The following ATP6V0A1 variants were observed in gnomAD, a reference collection of about 807,000 sequenced individuals.
ATP6V0A1 encodes V-type proton ATPase 116 kDa subunit a 1.
ATP6V0A1 carries 43 observed loss-of-function variants against 105.4 expected under a neutral mutation model. The ratio of observed to expected loss-of-function variants is 0.41; its 90% CI spans 0.32 to 0.53. The LOEUF (loss-of-function observed/expected upper bound fraction) is 0.53, where lower values mean the gene tolerates loss of function less well. Among genes scored for constraint, ATP6V0A1 ranks in the 20% least tolerant of loss-of-function variants. The probability of loss-of-function intolerance (pLI) is 0.30; values close to 1 mark genes in which losing one functional copy is unlikely to be tolerated. For synonymous variants in ATP6V0A1, 362 were observed against 372.8 expected (o/e 0.97, Z 0.33); for missense variants, 676 against 1,051.1 (o/e 0.64, Z 4.93).
chr17:42,490,612 TG>T lies in ATP6V0A1; in HGVS notation c.1151del (p.Gly384GlufsTer6). The stretch of plus-strand genomic sequence containing the variant: ...AGAACATAGTAGATGCTTATGGAAT[TG>T]GAACTTACCGAGAGATAAATCCAGG... ...FQNIVDAYGI[G>X]TYREINPAPY... On this transcript the variant is annotated frameshift_variant, in exon 11 of 22. Transcript: ENST00000343619. LOFTEE classifies it high-confidence loss of function. The T allele has an allele frequency of 6.2e-7, 1 of 1,603,612 alleles. No individual in the cohort carries two copies. Among genetic ancestry groups the T allele is most frequent in the Non-Finnish European group, 8.5e-7 (1 of 1,177,234 alleles).
intron 14 of ATP6V0A1, 65 bp downstream of exon 14, chr17:42,495,781 A>T: frequency 7.4e-7 from 1 of 1,353,580 alleles, no homozygotes; most frequent in Non-Finnish European, 1.1e-6. Flanking sequence ...AAGCAAGAGA[A>T]TTAAAATGAA....
chr17:42,495,941 G>T, intron 14 of ATP6V0A1: 1 of 408,484 alleles, frequency 2.4e-6, no homozygotes, highest in Non-Finnish European at 4.5e-6. Context: ...GCGTGGTGGC[G>T]CATGCCTGTA....
At chr17:42,498,566 G>A (rs1444834267) in intron 14 of ATP6V0A1, among the ~76,000 whole-genome samples, 3 of 152,102 alleles carry the variant, frequency 2.0e-5, no homozygotes, top group Non-Finnish European at 2.9e-5. Flanking sequence ...GGTGGCTCAC[G>A]CCTGTAATCC....
Position 42,521,210 on chromosome 17 carries a change from G to A in ATP6V0A1, c.*90G>A, listed in dbSNP as rs529402274. 1.2e-4 allele frequency: 142 copies of A among 1,179,548 alleles called. No homozygotes were observed. In the African/African-American group the frequency reaches 2.2e-3, roughly 18 times the overall value. The allele number at this position is 1,179,548 out of a possible 1,614,324, so 73.1% of individuals were successfully genotyped here. A position where few individuals can be genotyped will look rare whatever the true frequency, so the allele number is the denominator to read the frequency against. On this transcript the variant is annotated 3_prime_UTR_variant, in exon 22 of 22. Coordinates refer to ENST00000343619, the MANE Select transcript of ATP6V0A1 (RefSeq NM_001130021.3). This position sits in a 1 kb window ranked among gnomAD's most constrained non-coding sequence, Gnocchi z 4.8. ...CCTCTCTGCCTGTTGGTTGTGATCTGTGGGCACCAGCTCATTCGTGTCACC... is the reference window on the plus strand; with the variant it reads ...CCTCTCTGCCTGTTGGTTGTGATCTATGGGCACCAGCTCATTCGTGTCACC...
At chr17:42,493,939 A>G (rs1432421024) in intron 11 of ATP6V0A1, among the ~76,000 whole-genome samples, 2 of 152,114 alleles carry the variant, frequency 1.3e-5, no homozygotes, top group Admixed American at 1.3e-4. Flanking sequence ...AAGTCACCTT[A>G]TATTGATCTT....
At chr17:42,498,528 T>A (rs1404209604) in intron 14 of ATP6V0A1, among the ~76,000 whole-genome samples, 1 of 152,098 alleles carries the variant, frequency 6.6e-6, no homozygotes, top group Non-Finnish European at 1.5e-5. Context: ...TAATATTGAT[T>A]AATAAATAAA....
chr17:42,507,090 T>G (rs1032749241), intron 17 of ATP6V0A1, among the ~76,000 whole-genome samples: 2 of 152,200 alleles, frequency 1.3e-5, no homozygotes, highest in Non-Finnish European at 2.9e-5. Flanking sequence ...ACAATCACAA[T>G]GTCACTTGGC....
chr17:42,517,286 A>G (rs2092668549), intron 21 of ATP6V0A1, among the ~76,000 whole-genome samples: 1 of 151,748 alleles, frequency 6.6e-6, no homozygotes, highest in Admixed American at 6.6e-5. Context: ...TCTCAAAACA[A>G]CAACAACAAC....
intron 5 of ATP6V0A1, among the ~76,000 whole-genome samples, chr17:42,471,890 A>G (rs2088006171): frequency 6.6e-6 from 1 of 152,072 alleles, no homozygotes; most frequent in Non-Finnish European, 1.5e-5. Context: ...GATGGCCTAA[A>G]GTACAGTAAC....
intron 11 of ATP6V0A1, among the ~76,000 whole-genome samples, chr17:42,493,296 C>G (rs1273671533): frequency 6.6e-6 from 1 of 152,066 alleles, no homozygotes; most frequent in African/African-American, 2.4e-5. Context: ...TCAGTTGGAG[C>G]CCTATGGAAG....
chr17:42,475,656 C>T (rs2088636600), intron 5 of ATP6V0A1, among the ~76,000 whole-genome samples: 1 of 152,130 alleles, frequency 6.6e-6, no homozygotes, highest in Non-Finnish European at 1.5e-5. Context: ...ATACTTTCAA[C>T]CACATGGTTT....
intron 21 of ATP6V0A1, among the ~76,000 whole-genome samples, chr17:42,516,346 CTCT>C (rs1040907393): frequency 6.6e-6 from 1 of 152,122 alleles, no homozygotes; most frequent in Non-Finnish European, 1.5e-5. Context: ...CTAGGGTGCA[CTCT>C]TCTTCAAAAG....
Position 42,490,649 on chromosome 17 carries a change from C to G in ATP6V0A1, c.1174+12C>G, listed in dbSNP as rs1260481160. ...AGAGATAAATCCAGGTAAAAAAAAG[C>G]TTGTTATCTTTTTCCTCTAGAGTTT... is the stretch of plus-strand genomic sequence containing the variant. On this transcript the variant is annotated intron_variant, in intron 11 of 21. Transcript: ENST00000343619. 1 of 1,574,430 alleles carries G rather than the reference C, an allele frequency of 6.4e-7. No homozygotes were observed. Among genetic ancestry groups the G allele is most frequent in the Non-Finnish European group, 8.6e-7 (1 of 1,166,350 alleles).
chr17:42,465,421 G>C (rs1254521551), intron 2 of ATP6V0A1, among the ~76,000 whole-genome samples: 1 of 151,674 alleles, frequency 6.6e-6, no homozygotes, highest in African/African-American at 2.4e-5. Context: ...CTCCCGAGTA[G>C]CTGGGATTAC....
Position 42,514,336 on chromosome 17 carries a change from G to A in ATP6V0A1, c.2296G>A (p.Val766Met), listed in dbSNP as rs567300859. 7.3e-5 allele frequency: 118 copies of A among 1,612,904 alleles called. No individual in the cohort carries two copies. The South Asian group carries it at 1.1e-3, about 16-fold the overall frequency. ...CATGGTGATCCACATCGGCCTGAGC[G>A]TGAAGAGCTTGGCGGGAGGTTTGGT... The part of the protein sequence containing the change: ...WTMVIHIGLS[V>M]KSLAGGLVLF... Residue 766 changes from valine (V) to methionine (M), a missense_variant, in exon 21 of 22, where the codon GTG (valine) becomes ATG (methionine). By Grantham distance (21) the Val-to-Met change is conservative. This residue lies in a region of ATP6V0A1 where 435 missense variants were observed against 642.2 expected (regional missense o/e 0.68). Transcript: ENST00000343619.
intron 5 of ATP6V0A1, among the ~76,000 whole-genome samples, chr17:42,473,583 G>A (rs1165273493): frequency 6.6e-6 from 1 of 152,242 alleles, no homozygotes; most frequent in East Asian, 1.9e-4. Context: ...GCATTATTTG[G>A]AGCTTAATTC....
At chr17:42,486,135 G>A (rs78136690) in intron 9 of ATP6V0A1, among the ~76,000 whole-genome samples, 3,945 of 152,238 alleles carry the variant, frequency 0.026, 78 homozygotes, top group Middle Eastern at 0.058. Flanking sequence ...AATATGGGCT[G>A]GACATGTTGG....
At chr17:42,473,520 C>A (rs770878608) in intron 5 of ATP6V0A1, among the ~76,000 whole-genome samples, 1 of 152,200 alleles carries the variant, frequency 6.6e-6, no homozygotes, top group Non-Finnish European at 1.5e-5. Flanking sequence ...CAAGCTGCTA[C>A]CCACAGATCT....
At position 42,478,500 on chromosome 17, in the gene ATP6V0A1, A is replaced by G; in HGVS notation, c.544A>G (p.Thr182Ala). The G allele has an allele frequency of 6.2e-7, 1 of 1,610,748 alleles. No homozygotes were observed. Among genetic ancestry groups the G allele is most frequent in the Non-Finnish European group, 8.5e-7 (1 of 1,178,100 alleles). ...AGVINRERIP[T>A]FERMLWRVCR... ...TGTCATTAACCGGGAGCGCATCCCT[A>G]CTTTTGAGCGCATGCTTTGGCGGGT... Residue 182 changes from threonine (T) to alanine (A), a missense_variant, in exon 7 of 22, where the codon ACT (threonine) becomes GCT (alanine). Thr to Ala is a moderately conservative substitution (Grantham distance 58). Coordinates refer to ENST00000343619, the MANE Select transcript of ATP6V0A1 (RefSeq NM_001130021.3).
Sources: gnomAD v4.1 joint callset for allele counts (sites outside exome capture counted in the v4.1 genomes callset) on GRCh38, gnomAD v4.1.1 for gene constraint, gnomAD v4.1.1 regional missense constraint, Gnocchi (gnomAD v3.1) non-coding constraint, MANE v1.5 for transcripts, NCBI Gene and HGNC (gene_info 2026-07-23, HGNC 2026-07-21) for gene names.